IQCM: variants seen among roughly 807,000 people sequenced by gnomAD.
IQCM encodes IQ domain-containing protein M.
In IQCM, 45 loss-of-function variants were observed where a neutral mutation model predicts 57.6. That is an observed-to-expected ratio of 0.78 (90% confidence interval 0.62 to 1.00). The LOEUF is 1.00. Ranked by LOEUF, IQCM falls within the 50% of genes least tolerant of loss-of-function variation. IQCM has a pLI of 0.00. For missense variants in IQCM, 468 were observed against 511.6 expected, an observed-to-expected ratio of 0.91 and a Z score of 0.82; for synonymous variants, 148 against 158.9, an observed-to-expected ratio of 0.93 and a Z score of 0.51.
At chr4:149,813,671 G>A (rs1339263913) in intron 2 of IQCM, among the ~76,000 whole-genome samples, 5 of 152,048 alleles carry the variant, frequency 3.3e-5, no homozygotes, top group Admixed American at 6.6e-5. Context: ...CTCCACTTTA[G>A]TTACTTAAGT....
chr4:149,621,196 C>T lies in IQCM; in HGVS notation c.614G>A (p.Arg205His), dbSNP rs538353866. Reference protein sequence around the residue: ...WRGFVLTRSFRLACDSRRVSF... With the variant: ...WRGFVLTRSFHLACDSRRVSF... ...AACTCGACGGGAGTCACAAGCCAAA[C>T]GGAAAGACCTTGTCAGCACAAATCC... The change falls in exon 8 of 14, where the codon CGT (arginine) becomes CAT (histidine). Residue 205 changes from arginine (R) to histidine (H), a missense_variant. Arg to His is a conservative substitution (Grantham distance 29). Coordinates refer to ENST00000636793, the MANE Select transcript of IQCM (RefSeq NM_001363507.2). The T allele has an allele frequency of 7.6e-4, 938 of 1,231,950 alleles. 3 individuals carry two copies. The highest frequency in any genetic ancestry group is 5.5e-3 in the African/African-American group (355 of 64,518). 76.3% of individuals were successfully genotyped at this position (1,231,950 alleles called of 1,614,324 possible). A position where few individuals can be genotyped will look rare whatever the true frequency, so the allele number is the denominator to read the frequency against.
chr4:149,659,287 G>A (rs1351788880), intron 7 of IQCM, among the ~76,000 whole-genome samples: 2 of 151,916 alleles, frequency 1.3e-5, no homozygotes, highest in African/African-American at 4.8e-5. Flanking sequence ...GGACGTGAAG[G>A]ACCCCTTCAA....
chr4:149,701,529 G>A (rs545907838), intron 5 of IQCM, among the ~76,000 whole-genome samples: 6 of 152,046 alleles, frequency 3.9e-5, no homozygotes, highest in East Asian at 1.9e-4. Flanking sequence ...ATCATGTTGC[G>A]TCTTGCAATG....
intron 7 of IQCM, among the ~76,000 whole-genome samples, chr4:149,668,423 G>A (rs1050899757): frequency 3.3e-5 from 5 of 152,132 alleles, no homozygotes; most frequent in African/African-American, 1.2e-4. Context: ...AGCTCCTGAA[G>A]GAAGCACTAA....
chr4:149,670,621 A>G (rs1323849189), intron 7 of IQCM, among the ~76,000 whole-genome samples: 4 of 152,108 alleles, frequency 2.6e-5, no homozygotes, highest in African/African-American at 9.7e-5. Flanking sequence ...GTTTGTCATA[A>G]ATAGCTCTTA....
chr4:149,762,011 CA>C (rs144548315), intron 2 of IQCM, among the ~76,000 whole-genome samples: 2 of 151,686 alleles, frequency 1.3e-5, no homozygotes, highest in Non-Finnish European at 2.9e-5. Flanking sequence ...AAGTATCCTC[CA>C]AAAAAATCAA....
rs939750243 is a variant in IQCM, at chr4:149,585,298, C to T, written c.749+2632G>A. Among the ~76,000 whole-genome samples the T allele has an allele frequency of 8.6e-5, 13 of 151,470 alleles. No homozygotes were observed. In the East Asian group the frequency reaches 1.8e-3, roughly 20 times the overall value. ...TGCAGGCTGTAAGGAAACCTCTAGCCGAAAAATATATGGGAAATTCCTCTG... is the reference window on the plus strand; with the variant it reads ...TGCAGGCTGTAAGGAAACCTCTAGCTGAAAAATATATGGGAAATTCCTCTG... On this transcript the variant is annotated intron_variant, in intron 9 of 13. Transcript: ENST00000636793.
chr4:149,677,654 G>C (rs1405617256), intron 7 of IQCM, among the ~76,000 whole-genome samples: 1 of 151,810 alleles, frequency 6.6e-6, no homozygotes, highest in Admixed American at 6.6e-5. Flanking sequence ...CACAAACAGG[G>C]AACCATGATT....
intron 10 of IQCM, among the ~76,000 whole-genome samples, chr4:149,562,750 A>G (rs1041315728): frequency 2.0e-5 from 3 of 152,190 alleles, no homozygotes; most frequent in African/African-American, 7.2e-5. Flanking sequence ...TCAGAACTAC[A>G]TATGTGATTC....
intron 12 of IQCM, among the ~76,000 whole-genome samples, chr4:149,472,065 C>T (rs554627532): frequency 4.6e-5 from 7 of 152,136 alleles, no homozygotes; most frequent in Admixed American, 2.0e-4. Flanking sequence ...TAGCACAAGA[C>T]AGGGATGCCC....
chr4:149,531,563 C>G (rs1415008741), intron 12 of IQCM, among the ~76,000 whole-genome samples: 2 of 151,928 alleles, frequency 1.3e-5, no homozygotes, highest in Non-Finnish European at 2.9e-5. Flanking sequence ...ATGTGTGAAT[C>G]CTGAGCATAC....
At chr4:149,513,735 C>A (rs1168329367) in intron 12 of IQCM, among the ~76,000 whole-genome samples, 1 of 152,044 alleles carries the variant, frequency 6.6e-6, no homozygotes, top group Non-Finnish European at 1.5e-5. Context: ...GCTCTGAGAA[C>A]TAGGTTGAAG....
chr4:149,356,759 T>A (rs977787830), intron 13 of IQCM, among the ~76,000 whole-genome samples: 9 of 152,282 alleles, frequency 5.9e-5, no homozygotes, highest in African/African-American at 2.2e-4. Flanking sequence ...AACTTTAAAG[T>A]AGTTTTTTCC....
chr4:149,729,844 A>G lies in IQCM; in HGVS notation c.385+3400T>C, dbSNP rs535024887. 1.3e-5 allele frequency among the ~76,000 whole-genome samples: 2 copies of G among 152,138 alleles called. 1 individual carries two copies. The highest frequency in any genetic ancestry group is 4.1e-4 in the South Asian group (2 of 4,826). On this transcript the variant is annotated intron_variant, in intron 5 of 13. Coordinates refer to ENST00000636793, the MANE Select transcript of IQCM (RefSeq NM_001363507.2). ...TACTTTTAATATGCTTTTTGCTGCA[A>G]TGTTAAGTATTAGTAGATATTTGCT...
At chr4:149,460,692 G>A (rs1037151654) in intron 12 of IQCM, among the ~76,000 whole-genome samples, 2 of 152,080 alleles carry the variant, frequency 1.3e-5, no homozygotes, top group Admixed American at 1.3e-4. Flanking sequence ...GCAAAAAAAG[G>A]AAGAAAGGAT....
At chr4:149,424,265 T>C (rs1027965160) in intron 13 of IQCM, among the ~76,000 whole-genome samples, 8 of 151,988 alleles carry the variant, frequency 5.3e-5, no homozygotes, top group African/African-American at 1.9e-4. Context: ...CTCCTTTTCA[T>C]TGAAAGGCTA....
intron 5 of IQCM, among the ~76,000 whole-genome samples, chr4:149,701,470 T>C (rs1349149725): frequency 1.3e-5 from 2 of 151,608 alleles, no homozygotes; most frequent in Admixed American, 6.6e-5. Flanking sequence ...CATGAGAGAG[T>C]GTTTGAGAAT....
intron 8 of IQCM, among the ~76,000 whole-genome samples, chr4:149,601,015 T>C (rs554564916): frequency 6.6e-6 from 1 of 152,312 alleles, no homozygotes; most frequent in African/African-American, 2.4e-5. Flanking sequence ...AATGACTAAA[T>C]TCATAGAATT....
intron 2 of IQCM, chr4:149,748,543 A>G (rs1210716042): frequency 6.6e-6 from 1 of 152,068 alleles, no homozygotes; most frequent in Non-Finnish European, 1.5e-5. Flanking sequence ...GACTCTCTTA[A>G]TGGGTAAAAC....
Sources: gnomAD v4.1 joint callset for allele counts (sites outside exome capture counted in the v4.1 genomes callset) on GRCh38, gnomAD v4.1.1 for gene constraint, MANE v1.5 for transcripts, NCBI Gene and HGNC (gene_info 2026-07-23, HGNC 2026-07-21) for gene names.